UNK: variants seen among roughly 807,000 people sequenced by gnomAD.
The protein encoded by UNK is RING finger protein unkempt homolog.
UNK carries 32 observed loss-of-function variants against 97.6 expected under a neutral mutation model. That is an observed-to-expected ratio of 0.33 (90% confidence interval 0.25 to 0.44). The LOEUF (loss-of-function observed/expected upper bound fraction) is 0.44, where lower values mean the gene tolerates loss of function less well. UNK is among the 20% of genes least tolerant of loss of function. The pLI is 1.00. For missense variants in UNK, 771 were observed against 1,098.4 expected (o/e 0.70, Z 4.21); for synonymous variants, 441 against 461.2 (o/e 0.96, Z 0.56).
intron 1 of UNK, 126 bp downstream of exon 1, chr17:75,785,110 A>G (rs1200710243): frequency 1.6e-6 from 1 of 635,316 alleles, no homozygotes. Flanking sequence ...GGCCCGGCCC[A>G]GACCGGTTCC....
At chr17:75,812,983 C>G in intron 4 of UNK, 95 bp from the exon 5 acceptor site, 9 of 1,454,258 alleles carry the variant, frequency 6.2e-6, no homozygotes, top group Non-Finnish European at 8.2e-6. Flanking sequence ...TGAACTCCTT[C>G]CCAGTGGCTT....
chr17:75,801,749 T>C lies in UNK; in HGVS notation c.105-8011T>C, dbSNP rs2061860695. Reference sequence around the variant, plus strand: ...TAGTAGAGACGGGGTTTCACCATATTGGCCAGGTTGGTCTTGAACTACTGA... The same window carrying C: ...TAGTAGAGACGGGGTTTCACCATATCGGCCAGGTTGGTCTTGAACTACTGA... On this transcript the variant is annotated intron_variant, in intron 1 of 15. Coordinates refer to ENST00000589666, the MANE Select transcript of UNK (RefSeq NM_001080419.3). 2.0e-5 allele frequency among the ~76,000 whole-genome samples: 3 copies of C among 151,904 alleles called. No individual in the cohort carries two copies. The South Asian group carries it at 6.2e-4, about 31-fold the overall frequency.
At chr17:75,807,639 G>A (rs1483344552) in intron 1 of UNK, among the ~76,000 whole-genome samples, 2 of 152,134 alleles carry the variant, frequency 1.3e-5, no homozygotes, top group Non-Finnish European at 2.9e-5. Context: ...TCTTTTAGTG[G>A]AGACATGGTT....
In UNK at chr17:75,784,999, C is replaced by CG. The variant is rs757628734; in HGVS notation, c.104+15_104+16insG. ...CAGCACTACACGTACGTAGAGCCCC[C>CG]CCCCCCCCGCCGCGCGCGCACGCCT... On this transcript the variant is annotated intron_variant, in intron 1 of 15. Coordinates refer to ENST00000589666, the MANE Select transcript of UNK (RefSeq NM_001080419.3). 17 of 1,390,576 alleles carry CG rather than the reference C, an allele frequency of 1.2e-5. No homozygotes were observed. The highest frequency in any genetic ancestry group is 1.5e-5 in the Non-Finnish European group (16 of 1,066,158). The allele number at this position is 1,390,576 out of a possible 1,614,324, so 86.1% of individuals were successfully genotyped here.
Position 75,824,503 on chromosome 17 carries a change from T to C in UNK, c.*86T>C, listed in dbSNP as rs2062100564. On this transcript the variant is annotated 3_prime_UTR_variant, in exon 16 of 16. Transcript: ENST00000589666. The surrounding 1 kb of genome is among the most constrained non-coding windows in gnomAD (Gnocchi z 4.9). ...ATATATATATGAATATATATATATA[T>C]GTGTATGTATGTATGTATATGTATA... 2 of 925,780 alleles carry C rather than the reference T, an allele frequency of 2.2e-6. No homozygotes were observed. Among genetic ancestry groups the C allele is most frequent in the South Asian group, 5.3e-5 (1 of 18,968 alleles). The allele number at this position is 925,780 out of a possible 1,614,324, so 57.3% of individuals were successfully genotyped here.
At chr17:75,814,210 G>GA (rs1428603719) in intron 6 of UNK, among the ~76,000 whole-genome samples, 1 of 151,928 alleles carries the variant, frequency 6.6e-6, no homozygotes. Context: ...CATCAGGATT[G>GA]AAAAAATAGG....
chr17:75,810,120 C>T (rs1237183685), intron 2 of UNK, among the ~76,000 whole-genome samples, 151 bp downstream of exon 2: 1 of 152,252 alleles, frequency 6.6e-6, no homozygotes, highest in African/African-American at 2.4e-5. Flanking sequence ...CCCACCATCC[C>T]TGGCGGTAGG....
Position 75,823,314 on chromosome 17 carries a change from G to A in UNK, c.2069G>A (p.Ser690Asn). 6.2e-7 allele frequency: 1 copy of A among 1,610,186 alleles called. No homozygotes were observed. Among genetic ancestry groups the A allele is most frequent in the South Asian group, 1.1e-5 (1 of 90,850 alleles). The change falls in exon 15 of 16, where the codon AGT (serine) becomes AAT (asparagine). Residue 690 changes from serine (S) to asparagine (N), a missense_variant. By Grantham distance (46) the Ser-to-Asn change is conservative. Around this residue, in one of 5 missense-constraint regions of UNK, gnomAD observed 208 missense variants for 257.4 expected, o/e 0.81. Transcript: ENST00000589666. Reference sequence around the variant, plus strand: ...GCGGAGGAGGCTGGTGAGCGGGCCAGTGCGGCGGGCGCCGAGTGCGAGCTG... The same window carrying A: ...GCGGAGGAGGCTGGTGAGCGGGCCAATGCGGCGGGCGCCGAGTGCGAGCTG... ...KEAEEAGERA[S>N]AAGAECELAR...
chr17:75,807,752 C>T (rs748229796), intron 1 of UNK, among the ~76,000 whole-genome samples: 12 of 152,080 alleles, frequency 7.9e-5, no homozygotes, highest in African/African-American at 1.4e-4. Flanking sequence ...CGTGCCCAGC[C>T]GTTTTTTTAT....
intron 14 of UNK, 151 bp from the exon 15 acceptor site, chr17:75,823,114 A>G: frequency 1.6e-6 from 2 of 1,288,630 alleles, no homozygotes; most frequent in Admixed American, 2.9e-5. Flanking sequence ...CTCTGTGCAG[A>G]CAGCATCAGC....
intron 1 of UNK, chr17:75,792,314 T>C: frequency 1.0e-6 from 1 of 985,418 alleles, no homozygotes; most frequent in African/African-American, 1.7e-5. Flanking sequence ...TTAATCCAGC[T>C]ATGGTTGATA....
At chr17:75,794,218 G>A in intron 1 of UNK, 1 of 949,798 alleles carries the variant, frequency 1.1e-6, no homozygotes, top group Non-Finnish European at 1.3e-6. Flanking sequence ...TTTTATTTCA[G>A]CAACTTATTT....
Position 75,818,656 on chromosome 17 carries a change from C to A in UNK, c.1386C>A (p.Ile462=), listed in dbSNP as rs2143813026. Residue 462 remains isoleucine (I), a synonymous_variant, in exon 11 of 16, where the codon ATC becomes ATA. Coordinates refer to ENST00000589666, the MANE Select transcript of UNK (RefSeq NM_001080419.3). This position sits in a 1 kb window ranked among gnomAD's most constrained non-coding sequence, Gnocchi z 5.1. The stretch of plus-strand genomic sequence containing the variant: ...TCTCGTTGCAGGACATGCTGGGCAT[C>A]CTCCCCGCAGGCAGCCCCCTGACCT... ...LLQPKQDMLG[I]LPAGSPLTSS... is the part of the protein sequence containing the mutation. 6.3e-7 allele frequency: 1 copy of A among 1,595,714 alleles called. No individual in the cohort carries two copies. Among genetic ancestry groups the A allele is most frequent in the Non-Finnish European group, 8.5e-7 (1 of 1,169,826 alleles).
rs1048127782 is a variant in UNK, at chr17:75,818,171, A to G, written c.1371+3A>G. On this transcript the variant is annotated splice_donor_region_variant and intron_variant, in intron 10 of 15. Transcript: ENST00000589666. The surrounding 1 kb of genome is among the most constrained non-coding windows in gnomAD (Gnocchi z 5.1). ...AGCCTCTGCTTCAGCCCAAACAGGT[A>G]TAGAGCTCTCAGCCCCCTTCCTCCC... 2 of 1,613,450 alleles carry G rather than the reference A, an allele frequency of 1.2e-6. No homozygotes were observed. The highest frequency in any genetic ancestry group is 1.7e-6 in the Non-Finnish European group (2 of 1,179,718).
intron 1 of UNK, chr17:75,792,360 C>A (rs1222055615): frequency 2.0e-6 from 2 of 985,176 alleles, no homozygotes; most frequent in East Asian, 2.3e-4. Context: ...TATGCATCTT[C>A]TCTGTTTTGA....
intron 1 of UNK, among the ~76,000 whole-genome samples, chr17:75,799,419 G>A (rs2061836382): frequency 6.6e-6 from 1 of 152,200 alleles, no homozygotes; most frequent in South Asian, 2.1e-4. Flanking sequence ...TAGTGTTCAG[G>A]TGAGGAACAA....
chr17:75,821,701 G>C (rs1328761258), intron 13 of UNK: 1 of 456,666 alleles, frequency 2.2e-6, no homozygotes. Context: ...GTACATATGG[G>C]CAGAGTGAGG....
In UNK at chr17:75,817,611, C is replaced by T. The variant is rs545301107; in HGVS notation, c.1305+85C>T. On this transcript the variant is annotated intron_variant, in intron 9 of 15. Coordinates refer to ENST00000589666, the MANE Select transcript of UNK (RefSeq NM_001080419.3). This position sits in a 1 kb window ranked among gnomAD's most constrained non-coding sequence, Gnocchi z 5.8. The stretch of plus-strand genomic sequence containing the variant: ...TTGGAGGAGTGTCTTGGTCCAGCTA[C>T]GGGGAGGATGACTGGGAGCTAGGAC... 2.9e-5 allele frequency: 40 copies of T among 1,397,816 alleles called. No individual in the cohort carries two copies. The highest frequency in any genetic ancestry group is 2.4e-4 in the African/African-American group (17 of 69,678). The allele number at this position is 1,397,816 out of a possible 1,614,324, so 86.6% of individuals were successfully genotyped here. A position where few individuals can be genotyped will look rare whatever the true frequency, so the allele number is the denominator to read the frequency against.
At chr17:75,812,020 CAACAA>C in intron 2 of UNK, 87 bp from the exon 3 acceptor site, 1 of 1,409,550 alleles carries the variant, frequency 7.1e-7, no homozygotes, top group African/African-American at 1.4e-5. Context: ...ACAACAACAA[CAACAA>C]AAACAGTTGG....
Sources: gnomAD v4.1 joint callset for allele counts (sites outside exome capture counted in the v4.1 genomes callset) on GRCh38, gnomAD v4.1.1 for gene constraint, gnomAD v4.1.1 regional missense constraint, Gnocchi (gnomAD v3.1) non-coding constraint, MANE v1.5 for transcripts, NCBI Gene and HGNC (gene_info 2026-07-23, HGNC 2026-07-21) for gene names.